RBMS3: variants seen among roughly 807,000 people sequenced by gnomAD.
RBMS3 encodes RNA binding motif single stranded interacting protein 3, also known as RNA-binding motif, single-stranded-interacting protein 3.
Under a neutral mutation model 66.8 loss-of-function variants are expected in RBMS3, and 27 were observed. That is an observed-to-expected ratio of 0.40 (90% CI 0.30 to 0.56). RBMS3 has a LOEUF of 0.56. Among genes scored for constraint, RBMS3 ranks in the 20% least tolerant of loss-of-function variants. The pLI is 0.40. For synonymous variants in RBMS3, 188 were observed against 183.0 expected (o/e 1.03, Z -0.22); for missense variants, 513 against 549.5 (o/e 0.93, Z 0.66).
intron 5 of RBMS3, among the ~76,000 whole-genome samples, chr3:29,754,292 C>T (rs941806231): frequency 1.3e-5 from 2 of 152,140 alleles, no homozygotes; most frequent in Non-Finnish European, 2.9e-5. Flanking sequence ...CAAAATAACA[C>T]TAGCTCAAAA....
intron 6 of RBMS3, among the ~76,000 whole-genome samples, chr3:29,850,581 G>T (rs1190345129): frequency 6.6e-6 from 1 of 152,056 alleles, no homozygotes; most frequent in Non-Finnish European, 1.5e-5. Context: ...TAGGAAATTG[G>T]GAGCTACATG....
chr3:29,667,347 C>T (rs2050809872), intron 4 of RBMS3, among the ~76,000 whole-genome samples: 1 of 152,104 alleles, frequency 6.6e-6, no homozygotes, highest in Non-Finnish European at 1.5e-5. Context: ...GTGGTATAAC[C>T]ATGTAGTCTC....
chr3:29,933,985 C>T (rs1276598367), intron 10 of RBMS3: 1 of 152,064 alleles, frequency 6.6e-6, no homozygotes, highest in Non-Finnish European at 1.5e-5. Flanking sequence ...ATTGTTCTGT[C>T]ACATGCTCAC....
intron 3 of RBMS3, among the ~76,000 whole-genome samples, chr3:29,515,366 G>T (rs184321888): frequency 1.3e-5 from 2 of 152,148 alleles, no homozygotes; most frequent in Admixed American, 1.3e-4. Flanking sequence ...ATGCAAGCTC[G>T]TCTTATGGTG....
Position 29,452,985 on chromosome 3 carries a change from C to CAA in RBMS3, c.248+18070_248+18071insAA, listed in dbSNP as rs564113844. Among the ~76,000 whole-genome samples the CAA allele has an allele frequency of 1.2e-4, 18 of 152,248 alleles. No homozygotes were observed. In the South Asian group the frequency reaches 3.1e-3, roughly 26 times the overall value. ...AAATTGGTGTAAATTTTAATGCATTCTGGACGTATAGAACCTAATACTTGT... is the reference window on the plus strand; with the variant it reads ...AAATTGGTGTAAATTTTAATGCATTCAATGGACGTATAGAACCTAATACTTGT... On this transcript the variant is annotated intron_variant, in intron 2 of 14. Transcript: ENST00000383767.
intron 1 of RBMS3, among the ~76,000 whole-genome samples, chr3:29,316,333 A>G (rs1463622787): frequency 6.6e-6 from 1 of 151,762 alleles, no homozygotes; most frequent in Non-Finnish European, 1.5e-5. Flanking sequence ...GATTGCTATT[A>G]TCAATGAATC....
intron 10 of RBMS3, among the ~76,000 whole-genome samples, chr3:29,933,278 G>C (rs529094512): frequency 4.6e-5 from 7 of 152,132 alleles, no homozygotes; most frequent in Non-Finnish European, 7.4e-5. Flanking sequence ...TACTGGCTTT[G>C]CCATGCTAAC....
intron 2 of RBMS3, among the ~76,000 whole-genome samples, chr3:29,481,249 G>C (rs77133499): frequency 0.017 from 2,522 of 152,320 alleles, 65 homozygotes; most frequent in African/African-American, 0.057. Flanking sequence ...GTGGGGTGGA[G>C]ATGAGAGGCT....
chr3:29,338,326 A>G (rs1457537863), intron 1 of RBMS3, among the ~76,000 whole-genome samples: 1 of 152,200 alleles, frequency 6.6e-6, no homozygotes, highest in Non-Finnish European at 1.5e-5. Flanking sequence ...AAAATGTGTC[A>G]TAATTTACAG....
chr3:29,958,597 C>T (rs926545705), intron 12 of RBMS3, among the ~76,000 whole-genome samples: 1 of 152,020 alleles, frequency 6.6e-6, no homozygotes, highest in East Asian at 1.9e-4. Context: ...AATTATATTG[C>T]CTTAGCTTAT....
intron 8 of RBMS3, 154 bp downstream of exon 8, chr3:29,884,362 C>T (rs969921837): frequency 1.6e-6 from 1 of 624,944 alleles, no homozygotes; most frequent in Non-Finnish European, 2.6e-6. Context: ...TAGTTTTTTT[C>T]ATCCTATAAA....
intron 1 of RBMS3, among the ~76,000 whole-genome samples, chr3:29,283,774 T>G (rs1040102401): frequency 6.6e-6 from 1 of 152,202 alleles, no homozygotes; most frequent in East Asian, 1.9e-4. Context: ...ATTATTATGT[T>G]GTAAAATGTT....
At chr3:29,656,346 A>T (rs533904556) in intron 4 of RBMS3, among the ~76,000 whole-genome samples, 16 of 152,298 alleles carry the variant, frequency 1.1e-4, no homozygotes, top group African/African-American at 3.4e-4. Flanking sequence ...TTAGATACAC[A>T]AATAAGTATC....
intron 1 of RBMS3, among the ~76,000 whole-genome samples, chr3:29,375,028 C>T (rs867085864): frequency 4.6e-5 from 7 of 152,134 alleles, no homozygotes; most frequent in African/African-American, 1.7e-4. Context: ...ACCAATGGCA[C>T]AGAATAGAGA....
rs1699821403 is a variant in RBMS3 at position 30,007,113 on chromosome 3, G to A, written c.*3251G>A. On this transcript the variant is annotated 3_prime_UTR_variant, in exon 15 of 15. Transcript: ENST00000383767. ...TTGTCTGTTGTCTTACCTAAGACTT[G>A]TTTTGAAGAGCCAAGTCTGGGAGAG... 6.6e-6 allele frequency: 1 copy of A among 151,968 alleles called. No homozygotes were observed. Among genetic ancestry groups the A allele is most frequent in the Admixed American group, 6.6e-5 (1 of 15,238 alleles). The allele number at this position is 151,968 out of a possible 1,614,324, so 9.4% of individuals were successfully genotyped here.
At chr3:29,829,671 C>T (rs1035096380) in intron 6 of RBMS3, among the ~76,000 whole-genome samples, 10 of 152,044 alleles carry the variant, frequency 6.6e-5, no homozygotes, top group African/African-American at 2.4e-4. Context: ...TATATTCTGC[C>T]TAGAGTTGAT....
intron 12 of RBMS3, among the ~76,000 whole-genome samples, chr3:29,982,906 G>A (rs1266829079): frequency 1.3e-5 from 2 of 152,192 alleles, no homozygotes; most frequent in Admixed American, 6.5e-5. Context: ...GGAGAGTTCT[G>A]TAGATGTCTA....
chr3:29,723,354 G>C (rs925769580), intron 4 of RBMS3, among the ~76,000 whole-genome samples: 2 of 152,110 alleles, frequency 1.3e-5, no homozygotes, highest in Admixed American at 6.6e-5. Context: ...TGGTGATTTT[G>C]TTAACGTCAA....
chr3:29,894,459 G>C (rs953927128), intron 8 of RBMS3, among the ~76,000 whole-genome samples: 14 of 151,314 alleles, frequency 9.3e-5, no homozygotes, highest in African/African-American at 3.4e-4. Flanking sequence ...CTACCATCTT[G>C]TTATGTCCTT....
Sources: allele counts gnomAD v4.1 joint callset (sites outside exome capture counted in the v4.1 genomes callset), GRCh38; gene constraint gnomAD v4.1.1; transcripts MANE v1.5; gene names NCBI Gene and HGNC (gene_info 2026-07-23, HGNC 2026-07-21).